The following RAB11FIP2 variants were observed in gnomAD, a reference collection of about 807,000 sequenced individuals.
RAB11FIP2 encodes the protein rab11 family-interacting protein 2.
RAB11FIP2 carries 16 observed loss-of-function variants against 40.9 expected under a neutral mutation model. The ratio of observed to expected loss-of-function variants is 0.39; its 90% confidence interval spans 0.26 to 0.59. The LOEUF (loss-of-function observed/expected upper bound fraction) is 0.59. RAB11FIP2 is among the 20% of genes least tolerant of loss of function. The pLI is 0.53. For missense variants in RAB11FIP2, 532 were observed against 606.2 expected, an observed-to-expected ratio of 0.88 and a Z score of 1.28; for synonymous variants, 228 against 213.7, an observed-to-expected ratio of 1.07 and a Z score of -0.58.
At chr10:118,035,429 G>C (rs1206204851) in intron 3 of RAB11FIP2, among the ~76,000 whole-genome samples, 1 of 152,014 alleles carries the variant, frequency 6.6e-6, no homozygotes, top group East Asian at 1.9e-4. Context: ...CATACATACG[G>C]CTTTATGGAT....
In RAB11FIP2 at chr10:118,040,123, C is replaced by T. The variant is rs1031835668; in HGVS notation, c.796G>A (p.Gly266Arg). The change falls in exon 2 of 5, where the codon GGA becomes AGA. Residue 266 changes from glycine to arginine, a missense_variant and splice_region_variant. Gly to Arg is a moderately radical substitution (Grantham distance 125). Transcript: ENST00000355624. ...GAGTACACAAGAATGTGACACTTAC[C>T]ACTTTCTGGAACTGTTCCAAAGGAA... is the stretch of plus-strand genomic sequence containing the variant. ...LDSFGTVPES[G>R]SLKSPHRRTL... 6.2e-7 allele frequency: 1 copy of T among 1,610,728 alleles called. No individual in the cohort carries two copies. Among genetic ancestry groups the T allele is most frequent in the African/African-American group, 1.3e-5 (1 of 74,686 alleles).
chr10:118,036,820 G>A (rs1339406693), intron 3 of RAB11FIP2, among the ~76,000 whole-genome samples: 2 of 151,812 alleles, frequency 1.3e-5, no homozygotes, highest in Admixed American at 6.6e-5. Context: ...AATTTTGCTA[G>A]AAACAGCCAA....
intron 3 of RAB11FIP2, among the ~76,000 whole-genome samples, chr10:118,035,960 G>A (rs1846476290): frequency 6.6e-6 from 1 of 152,102 alleles, no homozygotes; most frequent in South Asian, 2.1e-4. Context: ...TCAGTTTTAT[G>A]TAAAACTATG....
Position 118,046,106 on chromosome 10 carries a change from G to A in RAB11FIP2, c.58C>T (p.Leu20Phe). 6.2e-7 allele frequency: 1 copy of A among 1,614,204 alleles called. No individual in the cohort carries two copies. Among genetic ancestry groups the A allele is most frequent in the Non-Finnish European group, 8.5e-7 (1 of 1,180,040 alleles). ...WFPTHVQVTV[L>F]QAKDLKPKGK... ...TTTGGCTTCAGATCTTTGGCTTGGA[G>A]CACTGTGACCTGCACGTGGGTTGGA... The change falls in exon 1 of 5, where the codon CTC (leucine) becomes TTC (phenylalanine). Residue 20 changes from leucine (L) to phenylalanine (F), a missense_variant. By Grantham distance (22) the Leu-to-Phe change is conservative. Transcript: ENST00000355624.
In RAB11FIP2 at chr10:118,040,313, A is replaced by C; in HGVS notation, c.606T>G (p.Ser202Arg). 1.2e-6 allele frequency: 2 copies of C among 1,613,938 alleles called. No homozygotes were observed. Among genetic ancestry groups the C allele is most frequent in the Non-Finnish European group, 1.7e-6 (2 of 1,179,830 alleles). Residue 202 changes from serine to arginine, a missense_variant, in exon 2 of 5, where the codon AGT (serine) becomes AGG (arginine). By Grantham distance (110) the Ser-to-Arg change is moderately radical (BLOSUM62 -1). Transcript: ENST00000355624. ...GTTTGGATTTCATCTGTATTTCACC[A>C]CTTGAAAATTCACTATTGGCATCGG... ...HMPDANSEFS[S>R]GEIQMKSKPK...
chr10:118,018,584 C>G (rs1846248636), intron 3 of RAB11FIP2, among the ~76,000 whole-genome samples: 1 of 152,192 alleles, frequency 6.6e-6, no homozygotes, highest in South Asian at 2.1e-4. Flanking sequence ...AAAGCATCAA[C>G]AGTTTTACTT....
In RAB11FIP2 at chr10:118,006,459, C is replaced by A. The variant is rs537357278; in HGVS notation, c.*2539G>T. On this transcript the variant is annotated 3_prime_UTR_variant, in exon 5 of 5. Coordinates refer to ENST00000355624, the MANE Select transcript of RAB11FIP2 (RefSeq NM_014904.3). Reference sequence around the variant, plus strand: ...CATATATTTTATTTCCATTTCTAAGCAACTAACAAAATACATTAGAATACC... The same window carrying A: ...CATATATTTTATTTCCATTTCTAAGAAACTAACAAAATACATTAGAATACC... The A allele has an allele frequency of 1.3e-5, 2 of 152,204 alleles. No individual in the cohort carries two copies. The highest frequency in any genetic ancestry group is 4.8e-5 in the African/African-American group (2 of 41,488). 9.4% of individuals were successfully genotyped at this position (152,204 alleles called of 1,614,324 possible). A position where few individuals can be genotyped will look rare whatever the true frequency, so the allele number is the denominator to read the frequency against.
intron 3 of RAB11FIP2, among the ~76,000 whole-genome samples, chr10:118,016,255 A>G (rs1846218717): frequency 6.6e-6 from 1 of 152,154 alleles, no homozygotes; most frequent in Non-Finnish European, 1.5e-5. Flanking sequence ...CTGAGGATAA[A>G]TTGAGTATTT....
At chr10:118,023,408 A>G (rs537835573) in intron 3 of RAB11FIP2, among the ~76,000 whole-genome samples, 30 of 152,298 alleles carry the variant, frequency 2.0e-4, no homozygotes, top group Admixed American at 6.5e-4. Flanking sequence ...TTCTTTTTAG[A>G]AAAAAGCAAA....
At chr10:118,019,948 C>T (rs918918093) in intron 3 of RAB11FIP2, among the ~76,000 whole-genome samples, 11 of 152,036 alleles carry the variant, frequency 7.2e-5, no homozygotes, top group Non-Finnish European at 1.2e-4. Context: ...AGAAACACCC[C>T]GTGTATTTCA....
rs778497765 is a variant in RAB11FIP2 at position 118,009,225 on chromosome 10, C to T, written c.1312G>A (p.Asp438Asn). 3.1e-6 allele frequency: 5 copies of T among 1,608,306 alleles called. No homozygotes were observed. The Admixed American group carries it at 8.4e-5, about 27-fold the overall frequency. ...TSNEDLRKIP[D>N]SNPFDATAGY... ...GCAGTGGCATCAAAGGGGTTGCTGT[C>T]CTAGAACAGGATAAAGACTGTCACT... Residue 438 changes from aspartate (D) to asparagine (N), a missense_variant and splice_region_variant, in exon 5 of 5, where the codon GAC (aspartate) becomes AAC (asparagine). Asp to Asn is a conservative substitution (Grantham distance 23). Coordinates refer to ENST00000355624, the MANE Select transcript of RAB11FIP2 (RefSeq NM_014904.3).
intron 4 of RAB11FIP2, among the ~76,000 whole-genome samples, chr10:118,009,569 A>G (rs1651786900): frequency 6.6e-6 from 1 of 152,174 alleles, no homozygotes; most frequent in South Asian, 2.1e-4. Context: ...AAGATTTCTA[A>G]AAGTTAACTC....
intron 3 of RAB11FIP2, among the ~76,000 whole-genome samples, chr10:118,025,541 A>T (rs1475629611): frequency 2.0e-5 from 3 of 152,240 alleles, no homozygotes; most frequent in Non-Finnish European, 2.9e-5. Context: ...ATTATTACGT[A>T]TATAACAGCA....
intron 3 of RAB11FIP2, among the ~76,000 whole-genome samples, chr10:118,026,508 C>T (rs1846345988): frequency 6.6e-6 from 1 of 152,194 alleles, no homozygotes; most frequent in Admixed American, 6.5e-5. Flanking sequence ...AAGAGAGACA[C>T]CAGTGCCTGT....
In RAB11FIP2 at chr10:118,008,856, A is replaced by T. The variant is rs1589635525; in HGVS notation, c.*142T>A. On this transcript the variant is annotated 3_prime_UTR_variant, in exon 5 of 5. Transcript: ENST00000355624. ...CTCTTGATAGTCCCTGCTAATATTT[A>T]CAGGTAAAACTACTCTTCACAATAA... 8.9e-6 allele frequency: 6 copies of T among 672,116 alleles called. No homozygotes were observed. In the East Asian group the frequency reaches 1.1e-4, roughly 12 times the overall value. The allele number at this position is 672,116 out of a possible 1,614,324, so 41.6% of individuals were successfully genotyped here.
chr10:118,025,827 T>A (rs1846336285), intron 3 of RAB11FIP2, among the ~76,000 whole-genome samples: 2 of 152,208 alleles, frequency 1.3e-5, no homozygotes, highest in Admixed American at 6.5e-5. Flanking sequence ...CCTTCGAGAC[T>A]TTTAGTTCTA....
intron 3 of RAB11FIP2, among the ~76,000 whole-genome samples, chr10:118,021,029 A>T (rs570581829): frequency 2.0e-5 from 3 of 151,718 alleles, no homozygotes; most frequent in African/African-American, 7.3e-5. Flanking sequence ...GCCTCTTCTT[A>T]CTTTGTAAAT....
At chr10:118,036,096 T>A (rs930037598) in intron 3 of RAB11FIP2, among the ~76,000 whole-genome samples, 1 of 152,128 alleles carries the variant, frequency 6.6e-6, no homozygotes, top group Non-Finnish European at 1.5e-5. Context: ...TGTGCCTTAG[T>A]ACATTTTAAA....
intron 4 of RAB11FIP2, among the ~76,000 whole-genome samples, chr10:118,009,794 TA>T (rs1215340170): frequency 6.6e-6 from 1 of 152,150 alleles, no homozygotes; most frequent in African/African-American, 2.4e-5. Context: ...ACTTCTGTTT[TA>T]ATTTAGAAAC....
Sources: gnomAD v4.1 joint callset for allele counts (sites outside exome capture counted in the v4.1 genomes callset) on GRCh38, gnomAD v4.1.1 for gene constraint, MANE v1.5 for transcripts, NCBI Gene and HGNC (gene_info 2026-07-23, HGNC 2026-07-21) for gene names.